KCND3: variants seen among roughly 807,000 people sequenced by gnomAD.
KCND3 encodes potassium voltage-gated channel subfamily D member 3.
KCND3 carries 9 observed loss-of-function variants against 51.1 expected under a neutral mutation model. The ratio of observed to expected loss-of-function variants is 0.18; its 90% CI spans 0.11 to 0.31. KCND3 has a LOEUF of 0.31. Among genes scored for constraint, KCND3 ranks in the 10% least tolerant of loss-of-function variants. The pLI, the probability that KCND3 is intolerant of heterozygous loss-of-function variation, is 1.00. For synonymous variants in KCND3, 349 were observed against 368.0 expected, an observed-to-expected ratio of 0.95 and a Z score of 0.59; for missense variants, 526 against 903.8, an observed-to-expected ratio of 0.58 and a Z score of 5.36.
intron 2 of KCND3, among the ~76,000 whole-genome samples, chr1:111,962,594 T>C (rs1673722840): frequency 6.6e-6 from 1 of 152,212 alleles, no homozygotes; most frequent in Non-Finnish European, 1.5e-5. Context: ...ACTACCTCCG[T>C]AGAAACAACT....
chr1:111,958,255 A>C (rs1289170095), intron 2 of KCND3, among the ~76,000 whole-genome samples: 1 of 152,174 alleles, frequency 6.6e-6, no homozygotes, highest in Non-Finnish European at 1.5e-5. Context: ...ATCCAACCTG[A>C]CCAGGCTGTT....
intron 2 of KCND3, among the ~76,000 whole-genome samples, chr1:111,912,310 TCATCTTA>T (rs1415835616): frequency 1.3e-5 from 2 of 152,216 alleles, no homozygotes; most frequent in Non-Finnish European, 2.9e-5. Context: ...GACATCATAG[TCATCTTA>T]ACACTGTAGT....
intron 1 of KCND3, chr1:111,989,288 C>G (rs911124211): frequency 6.6e-6 from 1 of 152,362 alleles, no homozygotes; most frequent in Non-Finnish European, 1.5e-5. Context: ...CCTGGCTGCC[C>G]GGAGGTGGCT....
intron 2 of KCND3, among the ~76,000 whole-genome samples, chr1:111,870,878 T>C (rs1340833811): frequency 2.6e-5 from 4 of 152,162 alleles, no homozygotes; most frequent in Non-Finnish European, 5.9e-5. Context: ...TGAAGGAATA[T>C]AACATCCCCC....
At chr1:111,939,175 G>A (rs546003560) in intron 2 of KCND3, among the ~76,000 whole-genome samples, 2 of 152,294 alleles carry the variant, frequency 1.3e-5, no homozygotes, top group African/African-American at 2.4e-5. Flanking sequence ...GGCCAAACAC[G>A]ACTTCCTCAA....
At chr1:111,779,974 T>C (rs531089500) in intron 5 of KCND3, among the ~76,000 whole-genome samples, 2 of 152,154 alleles carry the variant, frequency 1.3e-5, no homozygotes, top group African/African-American at 2.4e-5. Context: ...TGGAGACGAG[T>C]GTAGGAGTGT....
chr1:111,859,803 C>T (rs1463407139), intron 2 of KCND3, among the ~76,000 whole-genome samples: 1 of 152,202 alleles, frequency 6.6e-6, no homozygotes, highest in Non-Finnish European at 1.5e-5. Flanking sequence ...CAACCACTGT[C>T]CTAAGTTCTT....
At chr1:111,810,128 GGTCA>G (rs1369104314) in intron 2 of KCND3, among the ~76,000 whole-genome samples, 1 of 152,198 alleles carries the variant, frequency 6.6e-6, no homozygotes, top group African/African-American at 2.4e-5. Context: ...ATGACCAAGG[GGTCA>G]GTGTGTGAGG....
intron 7 of KCND3, 82 bp downstream of exon 7, chr1:111,776,944 G>A (rs1005880665): frequency 8.8e-6 from 14 of 1,598,378 alleles, no homozygotes; most frequent in Non-Finnish European, 1.2e-5. Flanking sequence ...GGATCCTCAA[G>A]GTTCTCCTAA....
At chr1:111,798,477 T>A (rs866081017) in intron 2 of KCND3, among the ~76,000 whole-genome samples, 4 of 152,018 alleles carry the variant, frequency 2.6e-5, no homozygotes, top group African/African-American at 2.4e-5. Context: ...TTTCCCCTAT[T>A]GAAATAAGAG....
intron 2 of KCND3, among the ~76,000 whole-genome samples, chr1:111,845,489 C>T (rs967417394): frequency 1.3e-5 from 2 of 152,178 alleles, no homozygotes; most frequent in Non-Finnish European, 2.9e-5. Flanking sequence ...TCAAATGCAG[C>T]ATATCCCAAA....
chr1:111,792,114 T>G (rs1003098102), intron 2 of KCND3, among the ~76,000 whole-genome samples: 1 of 152,220 alleles, frequency 6.6e-6, no homozygotes, highest in African/African-American at 2.4e-5. Context: ...GATGGTGAAC[T>G]GTCTGGAATT....
At chr1:111,987,482 C>T (rs955810847) in intron 1 of KCND3, among the ~76,000 whole-genome samples, 3 of 152,176 alleles carry the variant, frequency 2.0e-5, no homozygotes, top group Non-Finnish European at 4.4e-5. Flanking sequence ...GGAGCAATTA[C>T]CCCATTGTTA....
At position 111,904,202 on chromosome 1, in the gene KCND3, C is replaced by T. The variant is rs186235787; in HGVS notation, c.1106+77419G>A. Among the ~76,000 whole-genome samples the T allele has an allele frequency of 3.0e-4, 45 of 151,974 alleles. 1 individual carries two copies. The East Asian group carries it at 7.6e-3, about 26-fold the overall frequency. On this transcript the variant is annotated intron_variant, in intron 2 of 7. Transcript: ENST00000302127. ...GCCAAAGGGACATTACTCTAGGACC[C>T]GGGGCAAAGGCTCAGTTGCCCTGGG...
At chr1:111,911,458 G>A (rs923249981) in intron 2 of KCND3, among the ~76,000 whole-genome samples, 6 of 152,080 alleles carry the variant, frequency 3.9e-5, no homozygotes, top group African/African-American at 1.4e-4. Flanking sequence ...ACACAACAAG[G>A]GTGTAGTATA....
At chr1:111,819,470 A>G (rs567504443) in intron 2 of KCND3, among the ~76,000 whole-genome samples, 15 of 152,310 alleles carry the variant, frequency 9.8e-5, no homozygotes, top group African/African-American at 2.9e-4. Context: ...CTCGCTCATA[A>G]ATATTCACAG....
chr1:111,845,935 G>T (rs1228844105), intron 2 of KCND3, among the ~76,000 whole-genome samples: 1 of 152,112 alleles, frequency 6.6e-6, no homozygotes, highest in Non-Finnish European at 1.5e-5. Flanking sequence ...ATATCCTAAA[G>T]GTCTGGTTGG....
intron 2 of KCND3, among the ~76,000 whole-genome samples, chr1:111,821,926 C>T (rs1451666686): frequency 6.6e-6 from 1 of 152,092 alleles, no homozygotes. Context: ...TCTACCCTGT[C>T]CCCCAGAACT....
chr1:111,954,974 T>C (rs569641620), intron 2 of KCND3, among the ~76,000 whole-genome samples: 12 of 150,572 alleles, frequency 8.0e-5, no homozygotes, highest in African/African-American at 3.0e-4. Flanking sequence ...GTCTGTCTTA[T>C]TGTTGTCCTT....
Sources: gnomAD v4.1 joint callset for allele counts (sites outside exome capture counted in the v4.1 genomes callset) on GRCh38, gnomAD v4.1.1 for gene constraint, MANE v1.5 for transcripts, NCBI Gene and HGNC (gene_info 2026-07-23, HGNC 2026-07-21) for gene names.